Variants in GPC5 observed in about 807,000 individuals in gnomAD.
The protein encoded by GPC5 is glypican-5.
In GPC5, 47 loss-of-function variants were observed where a neutral mutation model predicts 53.9. The ratio of observed to expected loss-of-function variants is 0.87; its 90% CI spans 0.69 to 1.11. The LOEUF (loss-of-function observed/expected upper bound fraction) is 1.11. Ranked by LOEUF, GPC5 falls within the 50% of genes most tolerant of loss-of-function variation. The pLI is 0.00. For missense variants in GPC5, 748 were observed against 713.1 expected (o/e 1.05, Z -0.56); for synonymous variants, 286 against 263.3 (o/e 1.09, Z -0.84).
chr13:92,019,576 C>A (rs2040738458), intron 6 of GPC5, among the ~76,000 whole-genome samples: 1 of 152,066 alleles, frequency 6.6e-6, no homozygotes, highest in African/African-American at 2.4e-5. Context: ...GGTGATTCAG[C>A]TGTGAACAGG....
At chr13:92,625,130 C>T (rs1885005558) in intron 7 of GPC5, among the ~76,000 whole-genome samples, 1 of 152,036 alleles carries the variant, frequency 6.6e-6, no homozygotes, top group South Asian at 2.1e-4. Flanking sequence ...ATAATGTTGT[C>T]CACTGCGAAT....
At chr13:92,038,348 CTAGATAGA>C (rs76013713) in intron 6 of GPC5, among the ~76,000 whole-genome samples, 16,855 of 139,182 alleles carry the variant, frequency 0.12, 1,891 homozygotes, top group African/African-American at 0.31. Context: ...ATGATCTATG[CTAGATAGA>C]TAGATAGATA....
At chr13:91,749,034 A>T (rs78053954) in intron 4 of GPC5, among the ~76,000 whole-genome samples, 10,155 of 152,044 alleles carry the variant, frequency 0.067, 336 homozygotes, top group Middle Eastern at 0.092. Context: ...ATTGTTTCTT[A>T]TTTTTTTAAT....
At chr13:92,630,991 A>G (rs1024641733) in intron 7 of GPC5, among the ~76,000 whole-genome samples, 3 of 152,118 alleles carry the variant, frequency 2.0e-5, no homozygotes, top group African/African-American at 4.8e-5. Context: ...TAGTAAAATT[A>G]CCATTTCTTC....
chr13:91,824,138 T>C (rs2038538642), intron 5 of GPC5, among the ~76,000 whole-genome samples: 1 of 152,092 alleles, frequency 6.6e-6, no homozygotes, highest in Admixed American at 6.6e-5. Context: ...TCTATTTCAT[T>C]TCTCTCAATG....
intron 5 of GPC5, among the ~76,000 whole-genome samples, chr13:91,843,132 C>T (rs1473125201): frequency 6.6e-6 from 1 of 152,096 alleles, no homozygotes; most frequent in Non-Finnish European, 1.5e-5. Context: ...TTTTGCTGAG[C>T]AACGATTTTG....
At chr13:92,497,917 G>A (rs1262277190) in intron 7 of GPC5, among the ~76,000 whole-genome samples, 2 of 151,990 alleles carry the variant, frequency 1.3e-5, no homozygotes, top group Non-Finnish European at 2.9e-5. Flanking sequence ...ATATAGGAAT[G>A]CTTGTGATTT....
intron 2 of GPC5, among the ~76,000 whole-genome samples, chr13:91,490,164 AT>A (rs1243559955): frequency 1.3e-5 from 2 of 152,066 alleles, no homozygotes; most frequent in Non-Finnish European, 2.9e-5. Flanking sequence ...TGGAGAGGGG[AT>A]GGGTTGGGGT....
intron 7 of GPC5, among the ~76,000 whole-genome samples, chr13:92,830,974 G>C (rs1878026509): frequency 6.6e-6 from 1 of 152,100 alleles, no homozygotes; most frequent in African/African-American, 2.4e-5. Flanking sequence ...TTTCAAAGTA[G>C]ATCTGTTTGA....
intron 7 of GPC5, among the ~76,000 whole-genome samples, chr13:92,838,674 A>C (rs918633816): frequency 3.3e-5 from 5 of 152,142 alleles, no homozygotes; most frequent in African/African-American, 1.2e-4. Flanking sequence ...TGTCTGACAA[A>C]TAACTTTAAA....
intron 7 of GPC5, among the ~76,000 whole-genome samples, chr13:92,692,169 T>C (rs1887420333): frequency 6.6e-6 from 1 of 152,138 alleles, no homozygotes; most frequent in Non-Finnish European, 1.5e-5. Context: ...AGGATAATGG[T>C]CTCCAGCTAC....
At chr13:91,911,293 C>T (rs1445646779) in intron 6 of GPC5, among the ~76,000 whole-genome samples, 1 of 152,056 alleles carries the variant, frequency 6.6e-6, no homozygotes, top group Non-Finnish European at 1.5e-5. Context: ...CCTGTAATCT[C>T]AGCACTTTGG....
At position 91,693,581 on chromosome 13, in the gene GPC5, C is replaced by G; in HGVS notation, c.720C>G (p.Asp240Glu). Residue 240 changes from aspartate to glutamate, a missense_variant, in exon 3 of 8, where the codon GAC (aspartate) becomes GAG (glutamate). Transcript: ENST00000377067. ...NLGIEVINTT[D>E]YLHFSKECSR... ...GCATTGAAGTCATCAACACCACAGA[C>G]TATCTGCACTTCTCCAAAGAGTGCA... 1.9e-6 allele frequency: 3 copies of G among 1,614,140 alleles called. No individual in the cohort carries two copies. Among genetic ancestry groups the G allele is most frequent in the Non-Finnish European group, 2.5e-6 (3 of 1,180,018 alleles).
chr13:92,095,858 C>T (rs1472575791), intron 6 of GPC5, among the ~76,000 whole-genome samples: 1 of 152,144 alleles, frequency 6.6e-6, no homozygotes, highest in Admixed American at 6.5e-5. Flanking sequence ...AAAAATCCAC[C>T]TGTGCAATTG....
At chr13:91,665,484 G>A (rs2035086958) in intron 2 of GPC5, among the ~76,000 whole-genome samples, 2 of 150,174 alleles carry the variant, frequency 1.3e-5, no homozygotes. Flanking sequence ...CTGTGGATGT[G>A]GGCATTCAGG....
intron 5 of GPC5, among the ~76,000 whole-genome samples, chr13:91,862,623 C>T (rs551419155): frequency 6.6e-6 from 1 of 152,232 alleles, no homozygotes; most frequent in Non-Finnish European, 1.5e-5. Flanking sequence ...TATATACACA[C>T]ATATAGATGA....
chr13:92,697,108 G>C (rs970167062), intron 7 of GPC5, among the ~76,000 whole-genome samples: 8 of 151,022 alleles, frequency 5.3e-5, no homozygotes, highest in Admixed American at 2.7e-4. Context: ...TAGCCTTGTA[G>C]CATAGTTTGA....
intron 6 of GPC5, among the ~76,000 whole-genome samples, chr13:92,076,855 A>T (rs1031712011): frequency 1.3e-5 from 2 of 152,218 alleles, no homozygotes; most frequent in African/African-American, 4.8e-5. Flanking sequence ...AGGCCCTCCC[A>T]ATCCTGAAGA....
At chr13:92,030,094 A>C (rs1594732992) in intron 6 of GPC5, among the ~76,000 whole-genome samples, 2 of 152,352 alleles carry the variant, frequency 1.3e-5, no homozygotes, top group East Asian at 1.9e-4. Context: ...ATCCAGTATA[A>C]TTTTGCTGAC....
Sources: allele counts gnomAD v4.1 joint callset (sites outside exome capture counted in the v4.1 genomes callset), GRCh38; gene constraint gnomAD v4.1.1; transcripts MANE v1.5; gene names NCBI Gene and HGNC (gene_info 2026-07-23, HGNC 2026-07-21).